The following YWHAZ variants were observed in gnomAD, a reference collection of about 807,000 sequenced individuals.
YWHAZ encodes the protein 14-3-3 protein zeta/delta.
For synonymous variants in YWHAZ, 87 were observed against 103.6 expected (o/e 0.84, Z 0.97); for missense variants, 79 against 284.8 (o/e 0.28, Z 5.20).
At chr8:100,936,229 C>A (rs1242908544) in intron 2 of YWHAZ, among the ~76,000 whole-genome samples, 1 of 152,180 alleles carries the variant, frequency 6.6e-6, no homozygotes, top group Non-Finnish European at 1.5e-5. Context: ...GCAACCTATT[C>A]AGTATAAACA....
intron 2 of YWHAZ, among the ~76,000 whole-genome samples, chr8:100,938,492 A>T (rs947173914): frequency 1.3e-5 from 2 of 152,250 alleles, no homozygotes; most frequent in African/African-American, 2.4e-5. Flanking sequence ...TCAATTTAAA[A>T]ACTCACAAAA....
chr8:100,925,025 C>T lies in YWHAZ; in HGVS notation c.309G>A (p.Lys103=). ...ICNDVLSLLE[K]FLIPNASQAE... ...CTTGTGAAGCATTGGGGATCAAGAA[C>T]TTTTCCAAAAGAGACTTAAGAAGAA... Residue 103 remains lysine (K), a synonymous_variant, in exon 3 of 6, where the codon AAG becomes AAA. Coordinates refer to ENST00000395958, the MANE Select transcript of YWHAZ (RefSeq NM_145690.3). 6.2e-7 allele frequency: 1 copy of T among 1,613,210 alleles called. No individual in the cohort carries two copies. Among genetic ancestry groups the T allele is most frequent in the Non-Finnish European group, 8.5e-7 (1 of 1,179,732 alleles).
intron 2 of YWHAZ, among the ~76,000 whole-genome samples, chr8:100,925,562 A>G (rs1017003671): frequency 6.6e-6 from 1 of 152,196 alleles, no homozygotes; most frequent in Non-Finnish European, 1.5e-5. Context: ...AGCAAACCTC[A>G]CAACAGATAA....
chr8:100,931,588 T>G (rs1039836519), intron 2 of YWHAZ, among the ~76,000 whole-genome samples: 2 of 152,176 alleles, frequency 1.3e-5, no homozygotes, highest in South Asian at 4.2e-4. Context: ...ACCCATTAAT[T>G]TTGAGAATTT....
intron 5 of YWHAZ, 48 bp from the exon 6 acceptor site, chr8:100,920,800 G>GGGGA: frequency 2.1e-6 from 2 of 950,512 alleles, no homozygotes; most frequent in Non-Finnish European, 3.1e-6. Context: ...TGGGATGGGG[G>GGGGA]GGGGGGGGCG....
intron 2 of YWHAZ, among the ~76,000 whole-genome samples, chr8:100,927,023 A>G (rs997866496): frequency 9.9e-5 from 15 of 152,204 alleles, no homozygotes; most frequent in African/African-American, 3.6e-4. Context: ...CTTAATCTCA[A>G]TGATTCAGTT....
chr8:100,918,425 T>TATATATATATATATATATAC lies in YWHAZ; in HGVS notation c.*2267_*2268insGTATATATATATATATATAT, dbSNP rs2130054713. On this transcript the variant is annotated 3_prime_UTR_variant, in exon 6 of 6. Transcript: ENST00000395958. The stretch of plus-strand genomic sequence containing the variant: ...TAATTACTTTATATATATATATATA[T>TATATATATATATATATATAC]ATATATATATATATATATAATTATT... 1 of 89,668 alleles carries TATATATATATATATATATAC rather than the reference T, an allele frequency of 1.1e-5. No individual in the cohort carries two copies. The highest frequency in any genetic ancestry group is 4.0e-5 in the African/African-American group (1 of 25,124). The allele number at this position is 89,668 out of a possible 1,614,324, so 5.6% of individuals were successfully genotyped here.
chr8:100,944,763 G>A (rs1810142589), intron 2 of YWHAZ, among the ~76,000 whole-genome samples: 1 of 152,262 alleles, frequency 6.6e-6, no homozygotes, highest in Middle Eastern at 3.4e-3. Context: ...GGTAGTCAAG[G>A]TGCTTTACCT....
chr8:100,934,263 GTCATGGCT>G (rs1813970336), intron 2 of YWHAZ, among the ~76,000 whole-genome samples: 1 of 149,812 alleles, frequency 6.7e-6, no homozygotes, highest in South Asian at 2.1e-4. Flanking sequence ...AGCACAGGAT[GTCATGGCT>G]GCAGTGAGTG....
chr8:100,951,732 A>G (rs1451054067), intron 1 of YWHAZ, 197 bp downstream of exon 1: 36 of 985,152 alleles, frequency 3.7e-5, no homozygotes, highest in Non-Finnish European at 4.3e-5. Context: ...AAGGAGCCGG[A>G]GGCGGCCGCT....
In YWHAZ at chr8:100,918,734, A is replaced by T. The variant is rs1347065395; in HGVS notation, c.*1959T>A. The T allele has an allele frequency of 1.3e-5, 2 of 152,524 alleles. No homozygotes were observed. Among genetic ancestry groups the T allele is most frequent in the Non-Finnish European group, 2.9e-5 (2 of 68,026 alleles). 9.4% of individuals were successfully genotyped at this position (152,524 alleles called of 1,614,324 possible). The stretch of plus-strand genomic sequence containing the variant: ...TCATCAAGACTCACTGCCTCCCATC[A>T]TCAATATTTATTGAGCATTTACAGT... On this transcript the variant is annotated 3_prime_UTR_variant, in exon 6 of 6. Transcript: ENST00000395958.
At chr8:100,929,888 A>G (rs1418947843) in intron 2 of YWHAZ, among the ~76,000 whole-genome samples, 1 of 152,212 alleles carries the variant, frequency 6.6e-6, no homozygotes. Flanking sequence ...GAGGTGCACC[A>G]AGTAGAGAAT....
At chr8:100,935,274 T>C (rs1200219170) in intron 2 of YWHAZ, among the ~76,000 whole-genome samples, 1 of 152,238 alleles carries the variant, frequency 6.6e-6, no homozygotes, top group Non-Finnish European at 1.5e-5. Flanking sequence ...TTAAACTCCC[T>C]GACTGAATAA....
chr8:100,947,013 G>T (rs1810334869), intron 2 of YWHAZ, among the ~76,000 whole-genome samples: 1 of 151,838 alleles, frequency 6.6e-6, no homozygotes, highest in African/African-American at 2.4e-5. Context: ...CAGCACTTTG[G>T]GAGGCTGAGG....
In YWHAZ at chr8:100,918,408, T is replaced by TATATATATATATATATATATATA. The variant is rs1554611374; in HGVS notation, c.*2284_*2285insTATATATATATATATATATATAT. ...AGTCTAGCTATAAAATATAATTACTTTATATATATATATATATATATATAT... is the reference window on the plus strand; with the variant it reads ...AGTCTAGCTATAAAATATAATTACTTATATATATATATATATATATATATATATATATATATATATATATATAT... On this transcript the variant is annotated 3_prime_UTR_variant, in exon 6 of 6. Coordinates refer to ENST00000395958, the MANE Select transcript of YWHAZ (RefSeq NM_145690.3). The TATATATATATATATATATATATA allele has an allele frequency of 2.4e-5, 1 of 41,888 alleles. No homozygotes were observed. The highest frequency in any genetic ancestry group is 7.1e-5 in the African/African-American group (1 of 14,120). 2.6% of individuals were successfully genotyped at this position (41,888 alleles called of 1,614,324 possible).
intron 2 of YWHAZ, among the ~76,000 whole-genome samples, chr8:100,938,513 A>T (rs1814363010): frequency 6.6e-6 from 1 of 152,168 alleles, no homozygotes; most frequent in South Asian, 2.1e-4. Context: ...ATACCCCACA[A>T]ATGTCATTTT....
upstream of YWHAZ, chr8:100,952,833 C>T (rs1251485921): frequency 7.0e-6 from 7 of 1,000,546 alleles, no homozygotes; most frequent in African/African-American, 3.5e-5. Flanking sequence ...GCCTCCCTCC[C>T]GCCGCCGCGG....
chr8:100,946,596 CA>C (rs1810294551), intron 2 of YWHAZ, among the ~76,000 whole-genome samples: 1 of 151,958 alleles, frequency 6.6e-6, no homozygotes, highest in South Asian at 2.1e-4. Context: ...AAACCTGCTA[CA>C]AGTCTTTTCC....
chr8:100,917,012 T>G lies in YWHAZ; in HGVS notation c.*3681A>C, dbSNP rs1272549336. The G allele has an allele frequency of 1.3e-5, 2 of 152,216 alleles. No individual in the cohort carries two copies. The highest frequency in any genetic ancestry group is 4.8e-5 in the African/African-American group (2 of 41,460). 9.4% of individuals were successfully genotyped at this position (152,216 alleles called of 1,614,324 possible). ...CTATATGGTAAATGAGAGAATACAATCAAGCCAAATTTATTTCTTGACCTT... is the reference window on the plus strand; with the variant it reads ...CTATATGGTAAATGAGAGAATACAAGCAAGCCAAATTTATTTCTTGACCTT... On this transcript the variant is annotated 3_prime_UTR_variant, in exon 6 of 6. Coordinates refer to ENST00000395958, the MANE Select transcript of YWHAZ (RefSeq NM_145690.3).
Sources: allele counts gnomAD v4.1 joint callset (sites outside exome capture counted in the v4.1 genomes callset), GRCh38; gene constraint gnomAD v4.1.1; transcripts MANE v1.5; gene names NCBI Gene and HGNC (gene_info 2026-07-23, HGNC 2026-07-21).